Variants in CTIF observed in about 807,000 individuals in gnomAD.
CTIF encodes the protein CBP80/20-dependent translation initiation factor.
CTIF carries 21 observed loss-of-function variants against 66.0 expected under a neutral mutation model. The ratio of observed to expected loss-of-function variants is 0.32; its 90% CI spans 0.23 to 0.46. CTIF has a LOEUF of 0.46. Among genes scored for constraint, CTIF ranks in the 20% least tolerant of loss-of-function variants. The pLI, the probability that CTIF is intolerant of heterozygous loss-of-function variation, is 1.00. For missense variants in CTIF, 739 were observed against 812.7 expected (o/e 0.91, Z 1.10); for synonymous variants, 345 against 326.4 (o/e 1.06, Z -0.62).
intron 3 of CTIF, among the ~76,000 whole-genome samples, chr18:48,640,960 A>G (rs565868697): frequency 6.6e-6 from 1 of 152,122 alleles, no homozygotes; most frequent in South Asian, 2.1e-4. Context: ...GTAGAGCATA[A>G]AAAGGGCTAC....
At chr18:48,723,890 G>C (rs1490144050) in intron 7 of CTIF, among the ~76,000 whole-genome samples, 2 of 152,160 alleles carry the variant, frequency 1.3e-5, no homozygotes, top group Non-Finnish European at 2.9e-5. Context: ...ATTTTGGGAG[G>C]CCTTGGTTTC....
rs936055845 is a variant in CTIF, at chr18:48,674,476, G to C, written c.507+3732G>C. On this transcript the variant is annotated intron_variant, in intron 6 of 11. Coordinates refer to ENST00000256413, the MANE Select transcript of CTIF (RefSeq NM_014772.3). ...CTTATCTCTCAGTGGGTTACACACAGAGCGCATGCCACAATGAGTGGTTTT... is the reference window on the plus strand; with the variant it reads ...CTTATCTCTCAGTGGGTTACACACACAGCGCATGCCACAATGAGTGGTTTT... 2.6e-5 allele frequency among the ~76,000 whole-genome samples: 4 copies of C among 152,248 alleles called. 1 individual carries two copies. In the South Asian group the frequency reaches 8.3e-4, roughly 31 times the overall value.
intron 1 of CTIF, among the ~76,000 whole-genome samples, chr18:48,595,067 G>A (rs777935609): frequency 1.1e-4 from 16 of 152,160 alleles, no homozygotes; most frequent in African/African-American, 1.7e-4. Flanking sequence ...TCCCTGTCTC[G>A]AAGCATCAAG....
At chr18:48,754,319 A>C (rs766778951) in intron 7 of CTIF, among the ~76,000 whole-genome samples, 6 of 151,910 alleles carry the variant, frequency 3.9e-5, no homozygotes, top group Non-Finnish European at 5.9e-5. Context: ...GGCTTAGCTC[A>C]CTCCTGGAGC....
intron 7 of CTIF, among the ~76,000 whole-genome samples, chr18:48,734,966 CAT>C (rs764656111): frequency 7.9e-5 from 12 of 152,234 alleles, no homozygotes; most frequent in Middle Eastern, 3.4e-3. Context: ...TATATATGCA[CAT>C]GTGTGTTTAT....
chr18:48,763,143 G>A (rs1909176989), intron 9 of CTIF, among the ~76,000 whole-genome samples: 1 of 152,214 alleles, frequency 6.6e-6, no homozygotes, highest in Admixed American at 6.5e-5. Context: ...CCGGCACAGG[G>A]GAGTCAGGGA....
chr18:48,819,225 A>T (rs767495985), intron 10 of CTIF, among the ~76,000 whole-genome samples: 1 of 152,156 alleles, frequency 6.6e-6, no homozygotes, highest in Non-Finnish European at 1.5e-5. Flanking sequence ...TTCACTCTCA[A>T]AGTGCCTTGA....
intron 1 of CTIF, among the ~76,000 whole-genome samples, chr18:48,599,844 G>T (rs867643014): frequency 1.3e-5 from 2 of 152,146 alleles, no homozygotes; most frequent in African/African-American, 2.4e-5. Context: ...GATGGACAAG[G>T]CCCCCAGTGT....
At chr18:48,571,011 G>A in intron 1 of CTIF, among the ~76,000 whole-genome samples, 1 of 152,184 alleles carries the variant, frequency 6.6e-6, no homozygotes, top group Non-Finnish European at 1.5e-5. Flanking sequence ...ACTTTAAGAT[G>A]CCTAAAGTAG....
At chr18:48,666,982 A>G (rs1334502369) in intron 5 of CTIF, among the ~76,000 whole-genome samples, 2 of 151,970 alleles carry the variant, frequency 1.3e-5, no homozygotes, top group East Asian at 1.9e-4. Flanking sequence ...TGGGTATGCC[A>G]CAGGAATAGG....
chr18:48,560,656 C>T (rs1055374092), intron 1 of CTIF, among the ~76,000 whole-genome samples: 3 of 152,140 alleles, frequency 2.0e-5, no homozygotes, highest in African/African-American at 4.8e-5. Flanking sequence ...CTGCAACCTC[C>T]GCCTCTTGGC....
chr18:48,625,951 T>C (rs561652253), intron 2 of CTIF, among the ~76,000 whole-genome samples: 165 of 152,276 alleles, frequency 1.1e-3, no homozygotes, highest in Non-Finnish European at 1.8e-3. Context: ...CACCAGTGTA[T>C]TGGGACATCT....
intron 10 of CTIF, among the ~76,000 whole-genome samples, chr18:48,840,473 A>G (rs931362278): frequency 6.6e-6 from 1 of 152,190 alleles, no homozygotes; most frequent in African/African-American, 2.4e-5. Context: ...CCCCATTATT[A>G]AAATTTATAT....
chr18:48,717,259 C>T (rs1047999528), intron 7 of CTIF, among the ~76,000 whole-genome samples: 14 of 151,958 alleles, frequency 9.2e-5, no homozygotes, highest in South Asian at 6.2e-4. Context: ...ATTAGCCGAG[C>T]GTGGTGGTGC....
At chr18:48,764,520 A>T (rs1391800765) in intron 9 of CTIF, among the ~76,000 whole-genome samples, 1 of 151,990 alleles carries the variant, frequency 6.6e-6, no homozygotes, top group Non-Finnish European at 1.5e-5. Flanking sequence ...GGAGAAATGG[A>T]TGTCTGAAAA....
chr18:48,777,464 G>A (rs1354716383), intron 9 of CTIF, among the ~76,000 whole-genome samples: 1 of 152,112 alleles, frequency 6.6e-6, no homozygotes, highest in Non-Finnish European at 1.5e-5. Flanking sequence ...CCACAGCAAG[G>A]GTCCCCTCCA....
intron 6 of CTIF, among the ~76,000 whole-genome samples, chr18:48,672,791 C>G (rs2091556919): frequency 6.6e-6 from 1 of 152,168 alleles, no homozygotes; most frequent in African/African-American, 2.4e-5. Context: ...AGGCCCAGAC[C>G]CCCATCTCCG....
chr18:48,792,343 T>A (rs2067812634), intron 9 of CTIF, among the ~76,000 whole-genome samples: 1 of 152,060 alleles, frequency 6.6e-6, no homozygotes, highest in Non-Finnish European at 1.5e-5. Context: ...GTCAGCGGGA[T>A]GCTGGGATCT....
chr18:48,688,251 A>G (rs533287826), intron 6 of CTIF: 1 of 152,384 alleles, frequency 6.6e-6, no homozygotes, highest in Non-Finnish European at 1.5e-5. Context: ...CATCCTTATT[A>G]CCTGGAAGTG....
Sources: gnomAD v4.1 joint callset for allele counts (sites outside exome capture counted in the v4.1 genomes callset) on GRCh38, gnomAD v4.1.1 for gene constraint, MANE v1.5 for transcripts, NCBI Gene and HGNC (gene_info 2026-07-23, HGNC 2026-07-21) for gene names.